The following MIDN variants were observed in gnomAD, a reference collection of about 807,000 sequenced individuals.
MIDN encodes the protein midbrain nucleolar protein.
A neutral mutation model predicts 46.1 loss-of-function variants in MIDN; 26 were observed. That is an observed-to-expected ratio of 0.56 (90% CI 0.41 to 0.78). MIDN has a LOEUF of 0.78. Among genes scored for constraint, MIDN ranks in the 30% least tolerant of loss-of-function variants. The pLI, the probability that MIDN is intolerant of heterozygous loss-of-function variation, is 0.00. For missense variants in MIDN, 850 were observed against 771.8 expected, an observed-to-expected ratio of 1.10 and a Z score of -1.20; for synonymous variants, 432 against 343.3, an observed-to-expected ratio of 1.26 and a Z score of -2.86.
At chr19:1,253,892 A>C (rs2081164360) in intron 4 of MIDN, 62 bp from the exon 5 acceptor site, 2 of 1,336,158 alleles carry the variant, frequency 1.5e-6, no homozygotes, top group Non-Finnish European at 1.9e-6. Flanking sequence ...TTCCCCTTGC[A>C]AGACCGACCT....
In MIDN at chr19:1,250,273, C is replaced by A. The variant is rs1032460589; in HGVS notation, c.-24C>A. 1.1e-6 allele frequency: 1 copy of A among 935,774 alleles called. No individual in the cohort carries two copies. The highest frequency in any genetic ancestry group is 1.8e-5 in the African/African-American group (1 of 55,842). 58.0% of individuals were successfully genotyped at this position (935,774 alleles called of 1,614,324 possible). A position where few individuals can be genotyped will look rare whatever the true frequency, so the allele number is the denominator to read the frequency against. On this transcript the variant is annotated 5_prime_UTR_variant, in exon 2 of 9. Transcript: ENST00000682408. ...CGAGGATTGGCGGCGCCCGCCGCCC[C>A]CAGCCCCCCAGCGCGCGCCGGGGAT...
intron 8 of MIDN, 72 bp from the exon 9 acceptor site, chr19:1,256,923 G>A: frequency 6.3e-7 from 1 of 1,576,780 alleles, no homozygotes; most frequent in Non-Finnish European, 8.6e-7. Flanking sequence ...GGCATTTGCT[G>A]GGGTCTGGGG....
intron 2 of MIDN, 76 bp from the exon 3 acceptor site, chr19:1,251,486 C>T: frequency 6.0e-6 from 8 of 1,327,540 alleles, no homozygotes; most frequent in Middle Eastern, 1.8e-4. Flanking sequence ...ACAAGCACAG[C>T]CCTCCCCCGC....
rs376796470 is a variant in MIDN at position 1,253,179 on chromosome 19, G to C, written c.385-775G>C. Reference sequence around the variant, plus strand: ...GGTGGTGGGGACTCCAGCTGCTCTCGGGAAGCCACCCCGGGCCCTTCCTGC... The same window carrying C: ...GGTGGTGGGGACTCCAGCTGCTCTCCGGAAGCCACCCCGGGCCCTTCCTGC... On this transcript the variant is annotated intron_variant, in intron 4 of 8. Transcript: ENST00000682408. 7.0e-4 allele frequency among the ~76,000 whole-genome samples: 106 copies of C among 151,994 alleles called. 1 individual carries two copies. In the East Asian group the frequency reaches 0.014, roughly 20 times the overall value.
chr19:1,254,004 A>G lies in MIDN; in HGVS notation c.435A>G (p.Lys145=), dbSNP rs775286771. 28 of 1,404,078 alleles carry G rather than the reference A, an allele frequency of 2.0e-5. No homozygotes were observed. In the South Asian group the frequency reaches 4.1e-4, roughly 21 times the overall value. 87.0% of individuals were successfully genotyped at this position (1,404,078 alleles called of 1,614,324 possible). Residue 145 remains lysine (K), a synonymous_variant, in exon 5 of 9, where the codon AAA becomes AAG. Transcript: ENST00000682408. Reference sequence around the variant, plus strand: ...GGGCTGGCGGAGGAGGCTTCCGGAAATACAGATTCATTTTATTTAAGCGTC... The same window carrying G: ...GGGCTGGCGGAGGAGGCTTCCGGAAGTACAGATTCATTTTATTTAAGCGTC... ...PGRAGGGGFR[K]YRFILFKRPW... is the part of the protein sequence containing the mutation.
chr19:1,253,140 G>A (rs1339162880), intron 4 of MIDN, among the ~76,000 whole-genome samples: 1 of 152,002 alleles, frequency 6.6e-6, no homozygotes, highest in Non-Finnish European at 1.5e-5. Context: ...CAGGGAGGAA[G>A]TTGCAGGGCG....
At chr19:1,256,873 ACCTC>A (rs2081205062) in intron 8 of MIDN, 118 bp from the exon 9 acceptor site, 4 of 1,410,648 alleles carry the variant, frequency 2.8e-6, no homozygotes, top group African/African-American at 2.9e-5. Flanking sequence ...TCCTTTGCTG[ACCTC>A]CCTCCAGGGA....
rs140723918 is a variant in MIDN, at chr19:1,254,928, C to A, written c.852C>A (p.Ser284Arg). ...PEQMDCSPTA[S>R]SSASPGASTT... Reference sequence around the variant, plus strand: ...AGATGGACTGCTCCCCCACGGCCAGCAGCAGTGCCAGTCCTGGTGCCAGCA... The same window carrying A: ...AGATGGACTGCTCCCCCACGGCCAGAAGCAGTGCCAGTCCTGGTGCCAGCA... The change falls in exon 7 of 9, where the codon AGC becomes AGA. Residue 284 changes from serine to arginine, a missense_variant. Transcript: ENST00000682408. 12 of 1,609,512 alleles carry A rather than the reference C, an allele frequency of 7.5e-6. No individual in the cohort carries two copies. Among genetic ancestry groups the A allele is most frequent in the Admixed American group, 6.7e-5 (4 of 59,866 alleles).
At chr19:1,249,719 T>C (rs2081099232) in intron 1 of MIDN, among the ~76,000 whole-genome samples, 171 bp from the exon 2 acceptor site, 2 of 148,304 alleles carry the variant, frequency 1.3e-5, no homozygotes, top group Admixed American at 1.3e-4. Flanking sequence ...CGTGGGGCGG[T>C]GCCGCGGCGG....
At chr19:1,250,920 C>T (rs1176390494) in intron 2 of MIDN, among the ~76,000 whole-genome samples, 1 of 151,936 alleles carries the variant, frequency 6.6e-6, no homozygotes, top group Non-Finnish European at 1.5e-5. Flanking sequence ...TCTCTCTCCC[C>T]CCCTTTGTTC....
rs1396545965 is a variant in MIDN at position 1,258,928 on chromosome 19, C to T, written c.*1656C>T. On this transcript the variant is annotated 3_prime_UTR_variant, in exon 9 of 9. Coordinates refer to ENST00000682408, the MANE Select transcript of MIDN (RefSeq NM_001388306.1). ...CGATTTTTAAATAACGTCTGTGCCT[C>T]CACTGGTTGAGGGTGGAACCTCCAG... 6.6e-6 allele frequency: 1 copy of T among 152,002 alleles called. No homozygotes were observed. The highest frequency in any genetic ancestry group is 2.4e-5 in the African/African-American group (1 of 41,396). The allele number at this position is 152,002 out of a possible 1,614,324, so 9.4% of individuals were successfully genotyped here.
intron 8 of MIDN, among the ~76,000 whole-genome samples, chr19:1,256,408 A>G (rs1164110686): frequency 1.3e-5 from 2 of 150,668 alleles, no homozygotes; most frequent in African/African-American, 2.4e-5. Context: ...GCGTGAACCC[A>G]GAGGCGGAGC....
At position 1,254,318 on chromosome 19, in the gene MIDN, G is replaced by A. The variant is rs562824172; in HGVS notation, c.665G>A (p.Arg222Gln). 4.0e-5 allele frequency: 63 copies of A among 1,570,408 alleles called. No homozygotes were observed. The East Asian group carries it at 5.8e-4, about 14-fold the overall frequency. ...GCTGCGGCCGCCGCCGCTGCTGCGC[G>A]GGGGGACCCCAGCATAGCCTCCCCC... ...LAAAAAAAAA[R>Q]GDPSIASPVS... is the part of the protein sequence containing the mutation. Residue 222 changes from arginine to glutamine, a missense_variant, in exon 6 of 9, where the codon CGG becomes CAG. Physicochemically the swap from Arg to Gln is conservative, Grantham distance 43. Coordinates refer to ENST00000682408, the MANE Select transcript of MIDN (RefSeq NM_001388306.1).
rs1306760404 is a variant in MIDN at position 1,248,676 on chromosome 19, G to A, written c.-408+16G>A. On this transcript the variant is annotated intron_variant, in intron 1 of 8. Coordinates refer to ENST00000682408, the MANE Select transcript of MIDN (RefSeq NM_001388306.1). ...GCCGCGCCCGGTGAGTGTGGAGGGG[G>A]GGGACCTGCGGGCCGAGGAAGGGTG... is the stretch of plus-strand genomic sequence containing the variant. 1.3e-5 allele frequency: 2 copies of A among 152,516 alleles called. No homozygotes were observed. Among genetic ancestry groups the A allele is most frequent in the East Asian group, 1.9e-4 (1 of 5,178 alleles). 9.4% of individuals were successfully genotyped at this position (152,516 alleles called of 1,614,324 possible).
chr19:1,253,963 G>T lies in MIDN; in HGVS notation c.394G>T (p.Ala132Ser). 1 of 1,393,372 alleles carries T rather than the reference G, an allele frequency of 7.2e-7. No homozygotes were observed. The highest frequency in any genetic ancestry group is 9.2e-7 in the Non-Finnish European group (1 of 1,081,568). 86.3% of individuals were successfully genotyped at this position (1,393,372 alleles called of 1,614,324 possible). A position where few individuals can be genotyped will look rare whatever the true frequency, so the allele number is the denominator to read the frequency against. Residue 132 changes from alanine (A) to serine (S), a missense_variant, in exon 5 of 9, where the codon GCG becomes TCG. Ala to Ser is a moderately conservative substitution (Grantham distance 99). Transcript: ENST00000682408. ...ESLTETQPPA[A>S]PGPGRAGGGG... is the part of the protein sequence containing the mutation. ...GCCTCTGTCCCCACAGCCCCCAGCGGCGCCCGGGCCGGGCCGGGCTGGCGG... is the reference window on the plus strand; with the variant it reads ...GCCTCTGTCCCCACAGCCCCCAGCGTCGCCCGGGCCGGGCCGGGCTGGCGG...
chr19:1,257,349 G>T lies in MIDN; in HGVS notation c.*77G>T. ...GGACTCCGAGAGCCCCGGAGAGAAC[G>T]TGGCCCAGCCCTGGAGGGCAGGCGG... On this transcript the variant is annotated 3_prime_UTR_variant, in exon 9 of 9. Coordinates refer to ENST00000682408, the MANE Select transcript of MIDN (RefSeq NM_001388306.1). The T allele has an allele frequency of 7.6e-7, 1 of 1,310,818 alleles. No individual in the cohort carries two copies. 81.2% of individuals were successfully genotyped at this position (1,310,818 alleles called of 1,614,324 possible). A position where few individuals can be genotyped will look rare whatever the true frequency, so the allele number is the denominator to read the frequency against.
At chr19:1,255,210 C>A in intron 7 of MIDN, 149 bp downstream of exon 7, 1 of 1,173,924 alleles carries the variant, frequency 8.5e-7, no homozygotes. Context: ...AGGAATCCCC[C>A]ACACACACGC....
At chr19:1,251,368 C>T (rs1302484682) in intron 2 of MIDN, 194 bp from the exon 3 acceptor site, 2 of 564,776 alleles carry the variant, frequency 3.5e-6, no homozygotes, top group Admixed American at 3.6e-5. Flanking sequence ...TCCGAATCGC[C>T]AGGATGGGGC....
chr19:1,257,769 A>C lies in MIDN; in HGVS notation c.*497A>C, dbSNP rs1369558938. 2 of 155,200 alleles carry C rather than the reference A, an allele frequency of 1.3e-5. No homozygotes were observed. The highest frequency in any genetic ancestry group is 6.5e-5 in the Admixed American group (1 of 15,384). 9.6% of individuals were successfully genotyped at this position (155,200 alleles called of 1,614,324 possible). On this transcript the variant is annotated 3_prime_UTR_variant, in exon 9 of 9. Coordinates refer to ENST00000682408, the MANE Select transcript of MIDN (RefSeq NM_001388306.1). ...GGAGGGGCCGCAGTGCGCAGAACCC[A>C]CCCCACCCCCCAGTGCAGACTTCGG...
Sources: gnomAD v4.1 joint callset for allele counts (sites outside exome capture counted in the v4.1 genomes callset) on GRCh38, gnomAD v4.1.1 for gene constraint, MANE v1.5 for transcripts, NCBI Gene and HGNC (gene_info 2026-07-23, HGNC 2026-07-21) for gene names.